Variants in USH2A observed in about 807,000 individuals in gnomAD.
USH2A encodes the protein usherin.
A neutral mutation model predicts 538.9 loss-of-function variants in USH2A; 443 were observed. The observed-to-expected ratio is 0.82, with a 90% CI of 0.76 to 0.89. The LOEUF is 0.89. USH2A is among the 40% of genes least tolerant of loss of function. The probability of loss-of-function intolerance (pLI) is 0.00; values close to 1 mark genes in which losing one functional copy is unlikely to be tolerated. For synonymous variants in USH2A, 2,413 were observed against 2,273.5 expected (o/e 1.06, Z -1.75); for missense variants, 6,633 against 6,324.8 (o/e 1.05, Z -1.65).
chr1:215,697,332 T>A (rs187972587), intron 61 of USH2A, among the ~76,000 whole-genome samples: 64 of 152,196 alleles, frequency 4.2e-4, no homozygotes, highest in Admixed American at 7.2e-4. Flanking sequence ...GAAAGACCCC[T>A]CCTCTTGGCA....
intron 47 of USH2A, among the ~76,000 whole-genome samples, chr1:215,831,803 T>C (rs1410438696): frequency 2.0e-5 from 3 of 151,674 alleles, no homozygotes; most frequent in African/African-American, 7.3e-5. Flanking sequence ...AAGAAAACAA[T>C]AGAGAGCAGA....
chr1:215,839,380 G>A (rs535424951), intron 46 of USH2A, among the ~76,000 whole-genome samples: 35 of 152,128 alleles, frequency 2.3e-4, no homozygotes, highest in African/African-American at 7.2e-4. Flanking sequence ...ACAAATAATC[G>A]TATTGATTCC....
chr1:215,648,462 A>G (rs1656932018), intron 66 of USH2A, 66 bp downstream of exon 66: 1 of 1,533,652 alleles, frequency 6.5e-7, no homozygotes, highest in Non-Finnish European at 9.0e-7. Flanking sequence ...AGTAGGCTAT[A>G]CCATGAGTTC....
chr1:215,911,422 T>A (rs1459613844), intron 38 of USH2A, among the ~76,000 whole-genome samples: 4 of 151,854 alleles, frequency 2.6e-5, no homozygotes, highest in Non-Finnish European at 4.4e-5. Flanking sequence ...TTGCTTTGAT[T>A]TTTAGATCCC....
rs566466100 is a variant in USH2A at position 216,352,471 on chromosome 1, T to TCTAC, written c.784+12481_784+12482insGTAG. Among the ~76,000 whole-genome samples the TCTAC allele has an allele frequency of 4.7e-3, 708 of 152,232 alleles. 7 individuals carry two copies. The highest frequency in any genetic ancestry group is 0.016 in the African/African-American group (674 of 41,554). ...TGAAGGTGAGTAGAGATTTGACAAG[T>TCTAC]GTAGCTTAAGTGCAGTGGTGAGCTA... On this transcript the variant is annotated intron_variant, in intron 4 of 71. Transcript: ENST00000307340.
chr1:216,190,368 C>T lies in USH2A; in HGVS notation c.4252-1G>A. 6.2e-7 allele frequency: 1 copy of T among 1,610,218 alleles called. No individual in the cohort carries two copies. The highest frequency in any genetic ancestry group is 8.5e-7 in the Non-Finnish European group (1 of 1,178,452). On this transcript the variant is annotated splice_acceptor_variant, in intron 19 of 71. Transcript: ENST00000307340. LOFTEE classifies it high-confidence loss of function. ...CTTGGGATTTAGCAGTGTGCAACAG[C>T]TTCAAGGCAAAAAAGAAAGAAAGAA...
At chr1:216,367,791 A>G (rs1202430823) in intron 3 of USH2A, among the ~76,000 whole-genome samples, 2 of 152,156 alleles carry the variant, frequency 1.3e-5, no homozygotes, top group Admixed American at 6.5e-5. Context: ...GGGCCCCATC[A>G]CCCTGAAGCT....
chr1:216,293,468 G>A (rs2037046850), intron 9 of USH2A, among the ~76,000 whole-genome samples: 1 of 152,114 alleles, frequency 6.6e-6, no homozygotes, highest in Non-Finnish European at 1.5e-5. Flanking sequence ...ACTTCCTCCA[G>A]GACATCTTCA....
At chr1:215,646,596 G>A (rs992585817) in intron 67 of USH2A, among the ~76,000 whole-genome samples, 3 of 151,730 alleles carry the variant, frequency 2.0e-5, no homozygotes, top group African/African-American at 4.8e-5. Context: ...GCGTGATCTC[G>A]GCTCACTACA....
chr1:216,184,171 A>G (rs2034547997), intron 20 of USH2A, among the ~76,000 whole-genome samples: 1 of 152,060 alleles, frequency 6.6e-6, no homozygotes, highest in Non-Finnish European at 1.5e-5. Flanking sequence ...CCTTAATTGT[A>G]AAATGGTGCC....
chr1:216,369,259 A>G (rs2038657395), intron 3 of USH2A, among the ~76,000 whole-genome samples: 1 of 152,144 alleles, frequency 6.6e-6, no homozygotes, highest in African/African-American at 2.4e-5. Flanking sequence ...AAACTCTATA[A>G]GTTTATTTTA....
intron 3 of USH2A, among the ~76,000 whole-genome samples, chr1:216,379,977 A>G (rs2038900245): frequency 1.3e-5 from 2 of 152,206 alleles, no homozygotes; most frequent in Admixed American, 6.5e-5. Flanking sequence ...TAAACTCCCA[A>G]ACTTATTTGA....
At chr1:216,153,456 C>T (rs2033879086) in intron 21 of USH2A, among the ~76,000 whole-genome samples, 1 of 152,202 alleles carries the variant, frequency 6.6e-6, no homozygotes, top group Non-Finnish European at 1.5e-5. Flanking sequence ...TATCCTGCAA[C>T]AGGGTGTCAG....
chr1:215,802,856 A>G (rs958747134), intron 49 of USH2A, among the ~76,000 whole-genome samples: 8 of 152,194 alleles, frequency 5.3e-5, no homozygotes, highest in Admixed American at 2.0e-4. Flanking sequence ...CACTAGGCAG[A>G]AATAACCCCA....
In USH2A at chr1:216,071,174, C is replaced by T. The variant is rs1030658868; in HGVS notation, c.5858-882G>A. On this transcript the variant is annotated intron_variant, in intron 29 of 71. Coordinates refer to ENST00000307340, the MANE Select transcript of USH2A (RefSeq NM_206933.4). Reference sequence around the variant, plus strand: ...TCTAGCTGCTCATGGACTCCTGAGCCCTGTCGATGGAGGATCACTCTGGTT... The same window carrying T: ...TCTAGCTGCTCATGGACTCCTGAGCTCTGTCGATGGAGGATCACTCTGGTT... Among the ~76,000 whole-genome samples the T allele has an allele frequency of 3.3e-5, 5 of 152,164 alleles. No homozygotes were observed. The South Asian group carries it at 6.2e-4, about 19-fold the overall frequency.
chr1:215,669,665 G>T (rs1184487352), intron 64 of USH2A, among the ~76,000 whole-genome samples: 2 of 152,268 alleles, frequency 1.3e-5, no homozygotes, highest in Admixed American at 1.3e-4. Context: ...GGTAAAGCAA[G>T]AAAATACTTT....
intron 21 of USH2A, among the ~76,000 whole-genome samples, chr1:216,106,168 T>G (rs1056539920): frequency 1.4e-5 from 2 of 147,550 alleles, no homozygotes; most frequent in Admixed American, 1.4e-4. Flanking sequence ...TTTTATATAT[T>G]TATATATATA....
chr1:215,900,667 T>G (rs1665469369), intron 39 of USH2A, 88 bp downstream of exon 39: 2 of 1,560,726 alleles, frequency 1.3e-6, no homozygotes, highest in Admixed American at 3.4e-5. Flanking sequence ...CCTATATTTT[T>G]TGCAAATGAG....
intron 13 of USH2A, among the ~76,000 whole-genome samples, chr1:216,245,493 G>C (rs1212006793): frequency 6.6e-6 from 1 of 150,472 alleles, no homozygotes; most frequent in Non-Finnish European, 1.5e-5. Context: ...GAGAGAGAGA[G>C]AGAGAGAGAG....
Sources: gnomAD v4.1 joint callset for allele counts (sites outside exome capture counted in the v4.1 genomes callset) on GRCh38, gnomAD v4.1.1 for gene constraint, MANE v1.5 for transcripts, NCBI Gene and HGNC (gene_info 2026-07-23, HGNC 2026-07-21) for gene names.